Variants in RPS6KA2 observed in about 807,000 individuals in gnomAD.
The protein encoded by RPS6KA2 is ribosomal protein S6 kinase A2, also known as ribosomal protein S6 kinase alpha-2.
A neutral mutation model predicts 91.8 loss-of-function variants in RPS6KA2; 42 were observed. That is an observed-to-expected ratio of 0.46 (90% CI 0.36 to 0.59). RPS6KA2 has a LOEUF of 0.59. Ranked by LOEUF, RPS6KA2 falls within the 20% of genes least tolerant of loss-of-function variation. The probability of loss-of-function intolerance (pLI) is 0.00; values close to 1 mark genes in which losing one functional copy is unlikely to be tolerated. For missense variants in RPS6KA2, 798 were observed against 978.5 expected (o/e 0.82, Z 2.46); for synonymous variants, 414 against 393.6 (o/e 1.05, Z -0.61).
chr6:166,537,926 T>C (rs1219765730), intron 2 of RPS6KA2, among the ~76,000 whole-genome samples: 1 of 152,264 alleles, frequency 6.6e-6, no homozygotes, highest in Non-Finnish European at 1.5e-5. Context: ...CGTGTCATCA[T>C]AATTGAAAAG....
At chr6:166,716,471 T>C (rs957750841) in intron 2 of RPS6KA2, among the ~76,000 whole-genome samples, 4 of 152,142 alleles carry the variant, frequency 2.6e-5, no homozygotes, top group Non-Finnish European at 5.9e-5. Context: ...CATCACTGTA[T>C]CGAAATGACA....
chr6:166,607,797 G>A (rs1313684911), intron 1 of RPS6KA2, among the ~76,000 whole-genome samples: 1 of 152,186 alleles, frequency 6.6e-6, no homozygotes, highest in Non-Finnish European at 1.5e-5. Flanking sequence ...AAAATGTTAT[G>A]GCATTCAGGG....
chr6:166,696,172 A>T (rs1789355032), intron 2 of RPS6KA2, among the ~76,000 whole-genome samples: 1 of 152,198 alleles, frequency 6.6e-6, no homozygotes, highest in South Asian at 2.1e-4. Flanking sequence ...GAGTGGGATT[A>T]GCAGCTCTCC....
chr6:166,856,097 G>T (rs1418407570), intron 2 of RPS6KA2, among the ~76,000 whole-genome samples: 1 of 152,178 alleles, frequency 6.6e-6, no homozygotes, highest in Non-Finnish European at 1.5e-5. Flanking sequence ...CACTGTTGAT[G>T]AATTAAAGGA....
At chr6:166,592,123 A>AAG (rs1158819023) in intron 1 of RPS6KA2, among the ~76,000 whole-genome samples, 1 of 152,260 alleles carries the variant, frequency 6.6e-6, no homozygotes, top group Non-Finnish European at 1.5e-5. Context: ...CTTGTAGAGA[A>AAG]AGTGACTTCA....
intron 2 of RPS6KA2, among the ~76,000 whole-genome samples, chr6:166,679,101 CTG>C (rs1788705223): frequency 1.3e-5 from 2 of 152,240 alleles, no homozygotes; most frequent in South Asian, 4.1e-4. Context: ...GAGAAAGAAA[CTG>C]TGAACAGAAA....
At chr6:166,586,702 C>A (rs1046675643) in intron 1 of RPS6KA2, among the ~76,000 whole-genome samples, 1 of 152,172 alleles carries the variant, frequency 6.6e-6, no homozygotes, top group Non-Finnish European at 1.5e-5. Flanking sequence ...TAATAAGGCC[C>A]ATGAACTAGT....
chr6:166,697,338 C>T (rs1300817440), intron 2 of RPS6KA2, among the ~76,000 whole-genome samples: 1 of 152,176 alleles, frequency 6.6e-6, no homozygotes, highest in Non-Finnish European at 1.5e-5. Context: ...GGAACTGTGG[C>T]AGAATGTCCC....
chr6:166,431,726 C>T (rs1779138330), intron 15 of RPS6KA2, among the ~76,000 whole-genome samples: 1 of 152,126 alleles, frequency 6.6e-6, no homozygotes, highest in Non-Finnish European at 1.5e-5. Flanking sequence ...AAGCAATTCT[C>T]CTGCCTCAGC....
intron 1 of RPS6KA2, among the ~76,000 whole-genome samples, chr6:166,585,342 T>C (rs988345797): frequency 6.6e-6 from 1 of 152,250 alleles, no homozygotes; most frequent in African/African-American, 2.4e-5. Flanking sequence ...CGAGGATTGC[T>C]GACATGTCTG....
intron 2 of RPS6KA2, among the ~76,000 whole-genome samples, chr6:166,681,046 G>C (rs1056924429): frequency 7.2e-5 from 11 of 152,148 alleles, no homozygotes; most frequent in African/African-American, 2.7e-4. Flanking sequence ...CACCCCTTCT[G>C]CTCTGAATCA....
chr6:166,579,720 T>C (rs1386383967), intron 1 of RPS6KA2, among the ~76,000 whole-genome samples: 1 of 152,226 alleles, frequency 6.6e-6, no homozygotes, highest in African/African-American at 2.4e-5. Context: ...AAGACCAGTG[T>C]TGTGGTATTT....
chr6:166,789,908 G>A (rs1280794681), intron 2 of RPS6KA2, among the ~76,000 whole-genome samples: 4 of 152,122 alleles, frequency 2.6e-5, no homozygotes, highest in Non-Finnish European at 5.9e-5. Flanking sequence ...CCACAAAGAT[G>A]GGGAAAAAAC....
chr6:166,424,632 T>G (rs1778845083), intron 16 of RPS6KA2, among the ~76,000 whole-genome samples: 1 of 152,078 alleles, frequency 6.6e-6, no homozygotes, highest in East Asian at 1.9e-4. Flanking sequence ...GCCAAGATAC[T>G]CAAACTCCTG....
intron 19 of RPS6KA2, among the ~76,000 whole-genome samples, chr6:166,417,005 T>C: frequency 6.6e-6 from 1 of 152,220 alleles, no homozygotes; most frequent in East Asian, 1.9e-4. Flanking sequence ...CTTTCAGCCC[T>C]TTTACATGAA....
intron 1 of RPS6KA2, among the ~76,000 whole-genome samples, chr6:166,584,020 G>T (rs979085904): frequency 2.0e-5 from 3 of 152,220 alleles, no homozygotes; most frequent in East Asian, 3.8e-4. Flanking sequence ...GGTGTGCAAC[G>T]AAACAAGGTT....
At chr6:166,498,463 G>A in intron 8 of RPS6KA2, 45 bp downstream of exon 8, 1 of 1,565,394 alleles carries the variant, frequency 6.4e-7, no homozygotes, top group South Asian at 1.2e-5. Flanking sequence ...GGGTCCACGT[G>A]GGGAACAGCC....
intron 1 of RPS6KA2, among the ~76,000 whole-genome samples, chr6:166,602,988 G>A (rs911320828): frequency 6.6e-6 from 1 of 152,234 alleles, no homozygotes; most frequent in African/African-American, 2.4e-5. Context: ...GAGAGAGAGA[G>A]AGGTGTTGGT....
chr6:166,711,914 C>A (rs1433933163), intron 2 of RPS6KA2, among the ~76,000 whole-genome samples: 4 of 151,896 alleles, frequency 2.6e-5, no homozygotes, highest in African/African-American at 9.7e-5. Context: ...TCTTGCAAGA[C>A]TGATTGACAG....
Sources: allele counts gnomAD v4.1 joint callset (sites outside exome capture counted in the v4.1 genomes callset), GRCh38; gene constraint gnomAD v4.1.1; transcripts MANE v1.5; gene names NCBI Gene and HGNC (gene_info 2026-07-23, HGNC 2026-07-21).